The following TNRC18 variants were observed in gnomAD, a reference collection of about 807,000 sequenced individuals.
TNRC18 encodes the protein trinucleotide repeat-containing gene 18 protein.
TNRC18 carries 69 observed loss-of-function variants against 226.7 expected under a neutral mutation model. The observed-to-expected ratio is 0.30, with a 90% CI of 0.25 to 0.37. The LOEUF (loss-of-function observed/expected upper bound fraction) is 0.37. Among genes scored for constraint, TNRC18 ranks in the 10% least tolerant of loss-of-function variants. TNRC18 has a pLI of 1.00. For missense variants in TNRC18, 4,754 were observed against 4,256.6 expected (o/e 1.12, Z -3.25); for synonymous variants, 2,449 against 1,927.6 (o/e 1.27, Z -7.09).
rs567574274 is a variant in TNRC18 at position 5,409,141 on chromosome 7, T to C, written c.187+11919A>G. 3.7e-4 allele frequency among the ~76,000 whole-genome samples: 53 copies of C among 143,034 alleles called. 1 individual carries two copies. The highest frequency in any genetic ancestry group is 1.1e-3 in the African/African-American group (46 of 40,502). The allele number at this position is 143,034 out of a possible 152,430, so 93.8% of individuals were successfully genotyped here. A position where few individuals can be genotyped will look rare whatever the true frequency, so the allele number is the denominator to read the frequency against. On this transcript the variant is annotated intron_variant, in intron 2 of 29. Coordinates refer to ENST00000430969, the MANE Select transcript of TNRC18 (RefSeq NM_001080495.3). ...GGCCAACAAGCCCCACCCTTACATCTGAATCCCATCTGCTTTTTCTTAAAG... is the reference window on the plus strand; with the variant it reads ...GGCCAACAAGCCCCACCCTTACATCCGAATCCCATCTGCTTTTTCTTAAAG...
intron 16 of TNRC18, among the ~76,000 whole-genome samples, chr7:5,354,935 C>T (rs1792190981): frequency 2.0e-5 from 3 of 152,226 alleles, no homozygotes; most frequent in South Asian, 4.1e-4. Context: ...GGCGACTTTT[C>T]GCCCTTGACA....
intron 2 of TNRC18, among the ~76,000 whole-genome samples, chr7:5,397,104 C>G (rs1780743929): frequency 6.6e-6 from 1 of 152,258 alleles, no homozygotes; most frequent in Admixed American, 6.5e-5. Context: ...CCAGTCCAGC[C>G]AGGCCCAGCC....
intron 5 of TNRC18, among the ~76,000 whole-genome samples, chr7:5,378,707 C>A (rs1438250647): frequency 6.6e-6 from 1 of 151,498 alleles, no homozygotes; most frequent in African/African-American, 2.4e-5. Context: ...CGTGAGTCAC[C>A]GAGCCCCGCC....
intron 16 of TNRC18, among the ~76,000 whole-genome samples, chr7:5,352,370 A>T (rs904188913): frequency 2.7e-5 from 4 of 150,900 alleles, no homozygotes; most frequent in African/African-American, 9.8e-5. Flanking sequence ...AGCCTCACCC[A>T]CCAGTCACTC....
At chr7:5,384,193 C>T (rs1460541906) in intron 5 of TNRC18, among the ~76,000 whole-genome samples, 1 of 152,164 alleles carries the variant, frequency 6.6e-6, no homozygotes, top group Non-Finnish European at 1.5e-5. Context: ...ATCTCAAACT[C>T]CTGACCTCGG....
At chr7:5,317,159 T>C (rs564469856) in intron 24 of TNRC18, among the ~76,000 whole-genome samples, 3 of 151,904 alleles carry the variant, frequency 2.0e-5, no homozygotes, top group Non-Finnish European at 2.9e-5. Flanking sequence ...CACTCATGAG[T>C]GCACAGAGCT....
At position 5,332,622 on chromosome 7, in the gene TNRC18, C is replaced by T; in HGVS notation, c.6147G>A (p.Lys2049=). 6.6e-7 allele frequency: 1 copy of T among 1,524,356 alleles called. No individual in the cohort carries two copies. Among genetic ancestry groups the T allele is most frequent in the Non-Finnish European group, 8.8e-7 (1 of 1,137,754 alleles). 94.4% of individuals were successfully genotyped at this position (1,524,356 alleles called of 1,614,324 possible). Residue 2049 remains lysine (K), a splice_region_variant and synonymous_variant, in exon 19 of 30, where the codon AAG becomes AAA. Coordinates refer to ENST00000430969, the MANE Select transcript of TNRC18 (RefSeq NM_001080495.3). ...CACCCCCTCCCAGCGCGGCCCCTAC[C>T]TTCCTGGGGTCCTTCCTGTCCTTTG... is the stretch of plus-strand genomic sequence containing the variant. The part of the protein sequence containing the change: ...GRAKDRKDPR[K]KKKGKEAGPG...
At chr7:5,378,090 C>T in intron 5 of TNRC18, 66 bp from the exon 6 acceptor site, 1 of 1,360,044 alleles carries the variant, frequency 7.4e-7, no homozygotes, top group Non-Finnish European at 1.0e-6. Context: ...CCATTGGCCC[C>T]ACTGCCCTCA....
rs549282651 is a variant in TNRC18 at position 5,341,048 on chromosome 7, C to G, written c.5719+4514G>C. 2.0e-5 allele frequency among the ~76,000 whole-genome samples: 3 copies of G among 152,166 alleles called. 1 individual carries two copies. The South Asian group carries it at 6.2e-4, about 32-fold the overall frequency. ...GGGGACTTTTAAGTTGAAGCCAATG[C>G]TCAATTACCATTCTGAAAACCCCAG... On this transcript the variant is annotated intron_variant, in intron 18 of 29. Transcript: ENST00000430969.
intron 26 of TNRC18, among the ~76,000 whole-genome samples, chr7:5,314,297 G>A (rs1583735161): frequency 6.6e-6 from 1 of 152,292 alleles, no homozygotes; most frequent in Admixed American, 6.5e-5. Flanking sequence ...TCCTGGCCCT[G>A]CTACTTCTTG....
intron 2 of TNRC18, among the ~76,000 whole-genome samples, chr7:5,398,992 A>C (rs1009203053): frequency 6.6e-6 from 1 of 152,168 alleles, no homozygotes; most frequent in African/African-American, 2.4e-5. Flanking sequence ...GAGAGGATCA[A>C]GGCATCCCGC....
chr7:5,335,351 T>G (rs967612135), intron 18 of TNRC18, among the ~76,000 whole-genome samples: 1 of 146,150 alleles, frequency 6.8e-6, no homozygotes, highest in African/African-American at 2.5e-5. Context: ...GGCTCACACC[T>G]GTAATCTCAA....
intron 29 of TNRC18, among the ~76,000 whole-genome samples, chr7:5,308,589 G>C (rs986715161): frequency 3.3e-5 from 5 of 152,158 alleles, no homozygotes; most frequent in Admixed American, 1.3e-4. Context: ...GAGACACAGA[G>C]ACTGAAAGAT....
At chr7:5,363,444 A>G (rs1488619345) in intron 11 of TNRC18, among the ~76,000 whole-genome samples, 3 of 152,158 alleles carry the variant, frequency 2.0e-5, no homozygotes, top group Admixed American at 1.3e-4. Context: ...CTACTAAAAA[A>G]TACAAAAAAA....
chr7:5,369,744 T>A (rs1435711645), intron 11 of TNRC18, among the ~76,000 whole-genome samples: 3 of 152,178 alleles, frequency 2.0e-5, no homozygotes, highest in Non-Finnish European at 4.4e-5. Flanking sequence ...AATTCTCTCC[T>A]GCCTAAACCA....
rs539361247 is a variant in TNRC18 at position 5,330,718 on chromosome 7, G to C, written c.6147+1904C>G. ...AGACAGAGTCTCACTCTGTCGCCCAGGCTGGAGTGCAGTGGCACAATCTCA... is the reference window on the plus strand; with the variant it reads ...AGACAGAGTCTCACTCTGTCGCCCACGCTGGAGTGCAGTGGCACAATCTCA... On this transcript the variant is annotated intron_variant, in intron 19 of 29. Transcript: ENST00000430969. Among the ~76,000 whole-genome samples, 32 of 152,254 alleles carry C rather than the reference G, an allele frequency of 2.1e-4. 1 individual carries two copies. The highest frequency in any genetic ancestry group is 7.5e-4 in the African/African-American group (31 of 41,562).
Position 5,387,858 on chromosome 7 carries a change from C to T in TNRC18, c.1966G>A (p.Glu656Lys). 2.5e-6 allele frequency: 4 copies of T among 1,599,464 alleles called. No homozygotes were observed. Among genetic ancestry groups the T allele is most frequent in the Non-Finnish European group, 2.6e-6 (3 of 1,176,058 alleles). ...AAAGCTTTGGCGCTCTCGGGCCTCT[C>T]GGGGTCCCGCTTCAGCTGCCGGCCG... is the stretch of plus-strand genomic sequence containing the variant. ...GGGRQLKRDP[E>K]RPESAKAFGR... Residue 656 changes from glutamate to lysine, a missense_variant, in exon 5 of 30, where the codon GAG (glutamate) becomes AAG (lysine). By Grantham distance (56) the Glu-to-Lys change is moderately conservative (BLOSUM62 1). Transcript: ENST00000430969.
intron 18 of TNRC18, 45 bp downstream of exon 18, chr7:5,345,517 G>GGCT: frequency 2.6e-6 from 1 of 377,744 alleles, no homozygotes; most frequent in African/African-American, 2.2e-5. Context: ...AATGGCGTCC[G>GGCT]CCCCTCCCAC....
intron 1 of TNRC18, among the ~76,000 whole-genome samples, chr7:5,422,414 G>A (rs1238616998): frequency 7.0e-6 from 1 of 143,502 alleles, no homozygotes; most frequent in Non-Finnish European, 1.5e-5. Flanking sequence ...CCCCACCTTT[G>A]GGTAAATCCC....
Sources: allele counts gnomAD v4.1 joint callset (sites outside exome capture counted in the v4.1 genomes callset), GRCh38; gene constraint gnomAD v4.1.1; transcripts MANE v1.5; gene names NCBI Gene and HGNC (gene_info 2026-07-23, HGNC 2026-07-21).